Variants in ZC3H3 observed in about 807,000 individuals in gnomAD.
ZC3H3 encodes zinc finger CCCH-type containing 3.
Under a neutral mutation model 77.3 loss-of-function variants are expected in ZC3H3, and 36 were observed. The observed-to-expected ratio is 0.47, with a 90% confidence interval of 0.36 to 0.61. The LOEUF (loss-of-function observed/expected upper bound fraction) is 0.61. ZC3H3 is among the 20% of genes least tolerant of loss of function. The probability of loss-of-function intolerance (pLI) is 0.00; values close to 1 mark genes in which losing one functional copy is unlikely to be tolerated. For synonymous variants in ZC3H3, 626 were observed against 555.2 expected (o/e 1.13, Z -1.79); for missense variants, 1,331 against 1,312.2 (o/e 1.01, Z -0.22).
intron 9 of ZC3H3, among the ~76,000 whole-genome samples, chr8:143,446,285 G>A (rs1040595168): frequency 6.6e-6 from 1 of 152,172 alleles, no homozygotes; most frequent in Admixed American, 6.5e-5. Flanking sequence ...GACACTAAGG[G>A]TGCAAAATGT....
chr8:143,466,072 G>A (rs1250679016), intron 8 of ZC3H3, among the ~76,000 whole-genome samples: 1 of 152,234 alleles, frequency 6.6e-6, no homozygotes, highest in Non-Finnish European at 1.5e-5. Context: ...TCTGTCCAGA[G>A]GAGGCATGGA....
Position 143,440,228 on chromosome 8 carries a change from G to C in ZC3H3, c.2628C>G (p.Ser876=), listed in dbSNP as rs774821634. ...AAGCGGGAGGGGATGAGGAGGAGGAGGAGGAGGAGGAAGCCTTCGAGGATG... is the reference window on the plus strand; with the variant it reads ...AAGCGGGAGGGGATGAGGAGGAGGACGAGGAGGAGGAAGCCTTCGAGGATG... ...SPSSSKASSS[S]SSSSSPPASL... Residue 876 remains serine (S), a synonymous_variant, in exon 11 of 12, where the codon TCC becomes TCG. Coordinates refer to ENST00000262577, the MANE Select transcript of ZC3H3 (RefSeq NM_015117.3). 6.2e-7 allele frequency: 1 copy of C among 1,604,730 alleles called. No individual in the cohort carries two copies.
chr8:143,490,740 C>A (rs987260711), intron 4 of ZC3H3, among the ~76,000 whole-genome samples: 2 of 152,136 alleles, frequency 1.3e-5, no homozygotes, highest in East Asian at 1.9e-4. Flanking sequence ...CATGGTGAAA[C>A]CCTGTCTCTA....
At chr8:143,536,624 C>A (rs1822809411) in intron 2 of ZC3H3, among the ~76,000 whole-genome samples, 171 bp from the exon 3 acceptor site, 1 of 152,184 alleles carries the variant, frequency 6.6e-6, no homozygotes, top group African/African-American at 2.4e-5. Flanking sequence ...CCTGCCCACC[C>A]TCCACAGCCA....
chr8:143,515,103 G>A (rs1821991173), intron 3 of ZC3H3, among the ~76,000 whole-genome samples: 2 of 152,234 alleles, frequency 1.3e-5, no homozygotes, highest in Non-Finnish European at 2.9e-5. Context: ...TGGGTTCCGA[G>A]AAACATGAGG....
At chr8:143,495,068 C>A (rs1821309809) in intron 4 of ZC3H3, among the ~76,000 whole-genome samples, 1 of 152,206 alleles carries the variant, frequency 6.6e-6, no homozygotes, top group African/African-American at 2.4e-5. Flanking sequence ...AGATGTCTTA[C>A]GTCCCAGCGA....
At chr8:143,535,110 T>G (rs540605852) in intron 3 of ZC3H3, among the ~76,000 whole-genome samples, 1 of 151,934 alleles carries the variant, frequency 6.6e-6, no homozygotes, top group Non-Finnish European at 1.5e-5. Context: ...AATGGAACGA[T>G]CTCGGCTCAC....
At position 143,491,457 on chromosome 8, in the gene ZC3H3, C is replaced by T. The variant is rs568640318; in HGVS notation, c.1716-15872G>A. On this transcript the variant is annotated intron_variant, in intron 4 of 11. Transcript: ENST00000262577. Reference sequence around the variant, plus strand: ...AGGGACAGGGACAGCCATTCACAGCCGGGCCTGGGCGAGGCTCACACCCGT... The same window carrying T: ...AGGGACAGGGACAGCCATTCACAGCTGGGCCTGGGCGAGGCTCACACCCGT... Among the ~76,000 whole-genome samples the T allele has an allele frequency of 1.2e-4, 19 of 152,378 alleles. No individual in the cohort carries two copies. The South Asian group carries it at 2.3e-3, about 18-fold the overall frequency.
chr8:143,520,926 C>T (rs1822221585), intron 3 of ZC3H3, among the ~76,000 whole-genome samples: 2 of 152,344 alleles, frequency 1.3e-5, no homozygotes, highest in African/African-American at 4.8e-5. Context: ...CCCTCCATGG[C>T]TGGGTTTCTG....
At chr8:143,441,486 A>G (rs1819740940) in intron 9 of ZC3H3, among the ~76,000 whole-genome samples, 1 of 152,052 alleles carries the variant, frequency 6.6e-6, no homozygotes, top group African/African-American at 2.4e-5. Flanking sequence ...GCACAGAGGG[A>G]GCCCGGGAAG....
chr8:143,458,960 A>G (rs539980701), intron 9 of ZC3H3, among the ~76,000 whole-genome samples: 103 of 148,416 alleles, frequency 6.9e-4, no homozygotes, highest in Admixed American at 4.5e-3. Flanking sequence ...GTTCTTCAAG[A>G]AAAAAAAAAA....
At chr8:143,508,508 T>C (rs893487006) in intron 3 of ZC3H3, among the ~76,000 whole-genome samples, 5 of 152,254 alleles carry the variant, frequency 3.3e-5, no homozygotes, top group South Asian at 2.1e-4. Context: ...GAATGTTTCA[T>C]GCAATTAACA....
chr8:143,520,724 G>C (rs372756285), intron 3 of ZC3H3, among the ~76,000 whole-genome samples: 1 of 152,182 alleles, frequency 6.6e-6, no homozygotes, highest in Non-Finnish European at 1.5e-5. Context: ...CCAGATCCCA[G>C]CTGGCCAGCA....
rs142972088 is a variant in ZC3H3 at position 143,465,494 on chromosome 8, C to T, written c.2307+223G>A. Among the ~76,000 whole-genome samples, 106 of 152,346 alleles carry T rather than the reference C, an allele frequency of 7.0e-4. 2 individuals carry two copies. The highest frequency in any genetic ancestry group is 2.5e-3 in the African/African-American group (103 of 41,564). ...TGCACCTGGAAGTCTAGGTCCTCTG[C>T]GCCTCACCTTCCCATGGTTCAAACC... On this transcript the variant is annotated intron_variant, in intron 9 of 11. Transcript: ENST00000262577.
chr8:143,472,058 C>A (rs945961135), intron 5 of ZC3H3, among the ~76,000 whole-genome samples: 1 of 151,894 alleles, frequency 6.6e-6, no homozygotes. Flanking sequence ...GAGGCCATAG[C>A]CCTACTCGAT....
At chr8:143,526,980 T>C (rs1353273717) in intron 3 of ZC3H3, among the ~76,000 whole-genome samples, 1 of 151,956 alleles carries the variant, frequency 6.6e-6, no homozygotes, top group African/African-American at 2.4e-5. Flanking sequence ...GATAGACCCC[T>C]GAGAGGCCGG....
chr8:143,512,500 G>A (rs1821901423), intron 3 of ZC3H3, among the ~76,000 whole-genome samples: 1 of 152,256 alleles, frequency 6.6e-6, no homozygotes, highest in Admixed American at 6.5e-5. Flanking sequence ...TGGCCCCGGT[G>A]CCCTGAGCAC....
chr8:143,503,604 A>G (rs1309950704), intron 4 of ZC3H3, among the ~76,000 whole-genome samples: 1 of 80,018 alleles, frequency 1.2e-5, no homozygotes, highest in Non-Finnish European at 2.4e-5. Flanking sequence ...CACCTCCCCC[A>G]GCACCCAGCC....
intron 4 of ZC3H3, among the ~76,000 whole-genome samples, chr8:143,479,617 G>T (rs531130080): frequency 6.6e-6 from 1 of 152,204 alleles, no homozygotes; most frequent in Non-Finnish European, 1.5e-5. Flanking sequence ...CTTTGTAATG[G>T]GAGGCATGAA....
Sources: gnomAD v4.1 joint callset for allele counts (sites outside exome capture counted in the v4.1 genomes callset) on GRCh38, gnomAD v4.1.1 for gene constraint, MANE v1.5 for transcripts, NCBI Gene and HGNC (gene_info 2026-07-23, HGNC 2026-07-21) for gene names.